Variants in VCAN observed in about 807,000 individuals in gnomAD.
VCAN encodes versican.
A neutral mutation model predicts 245.5 loss-of-function variants in VCAN; 44 were observed. The ratio of observed to expected loss-of-function variants is 0.18; its 90% CI spans 0.14 to 0.23. The LOEUF is 0.23. Among genes scored for constraint, VCAN ranks in the 10% least tolerant of loss-of-function variants. The probability of loss-of-function intolerance (pLI) is 1.00; values close to 1 mark genes in which losing one functional copy is unlikely to be tolerated. For synonymous variants in VCAN, 1,413 were observed against 1,437.0 expected (o/e 0.98, Z 0.38); for missense variants, 3,793 against 4,057.9 (o/e 0.93, Z 1.77).
At chr5:83,483,667 CACTGGAATAAAAGATTG>C in intron 2 of VCAN, 79 bp downstream of exon 2, 1 of 1,291,156 alleles carries the variant, frequency 7.7e-7, no homozygotes, top group Non-Finnish European at 1.1e-6. Context: ...AATGTGGAAT[CACTGGAATAAAAGATTG>C]ATTTTTAAAA....
At chr5:83,564,592 A>G (rs952231621) in intron 12 of VCAN, among the ~76,000 whole-genome samples, 22 of 152,150 alleles carry the variant, frequency 1.4e-4, no homozygotes, top group African/African-American at 5.3e-4. Flanking sequence ...TTTTCACTTT[A>G]TACACAATAG....
chr5:83,531,388 A>T (rs1275288257), intron 7 of VCAN: 2 of 152,090 alleles, frequency 1.3e-5, no homozygotes, highest in African/African-American at 4.8e-5. Context: ...TATGCTTCAC[A>T]TAGTAGGTTT....
At chr5:83,556,040 A>T (rs16900571) in intron 12 of VCAN, among the ~76,000 whole-genome samples, 4,677 of 152,318 alleles carry the variant, frequency 0.031, 75 homozygotes, top group Middle Eastern at 0.071. Flanking sequence ...TCAAAAACAG[A>T]TGTCAAAGTA....
chr5:83,540,082 A>G lies in VCAN; in HGVS notation c.7079A>G (p.Asn2360Ser), dbSNP rs747960971. 6 of 1,613,924 alleles carry G rather than the reference A, an allele frequency of 3.7e-6. No individual in the cohort carries two copies. In the Admixed American group the frequency reaches 1.0e-4, roughly 27 times the overall value. Reference sequence around the variant, plus strand: ...TCCACGGACATCGGACATCCTCAAAATCAGACTGTCAGGTGGGCAGAAGAA... The same window carrying G: ...TCCACGGACATCGGACATCCTCAAAGTCAGACTGTCAGGTGGGCAGAAGAA... ...PFSTDIGHPQ[N>S]QTVRWAEEIQ... Residue 2360 changes from asparagine (N) to serine (S), a missense_variant, in exon 8 of 15, where the codon AAT becomes AGT. Asn to Ser is a conservative substitution (Grantham distance 46, BLOSUM62 1). Coordinates refer to ENST00000265077, the MANE Select transcript of VCAN (RefSeq NM_004385.5).
At position 83,540,269 on chromosome 5, in the gene VCAN, T is replaced by C. The variant is rs1274140440; in HGVS notation, c.7266T>C (p.Ser2422=). ...KEFVTSAPKP[S]DLYYEPSGEG... ...TTGTTACATCAGCACCAAAACCATC[T>C]GACTTGTATTATGAACCTTCTGGAG... Residue 2422 remains serine, a synonymous_variant, in exon 8 of 15, where the codon TCT becomes TCC. Coordinates refer to ENST00000265077, the MANE Select transcript of VCAN (RefSeq NM_004385.5). 1 of 1,614,136 alleles carries C rather than the reference T, an allele frequency of 6.2e-7. No homozygotes were observed. Among genetic ancestry groups the C allele is most frequent in the Non-Finnish European group, 8.5e-7 (1 of 1,180,000 alleles).
At chr5:83,516,199 G>A (rs1220031239) in intron 6 of VCAN, among the ~76,000 whole-genome samples, 3 of 152,064 alleles carry the variant, frequency 2.0e-5, no homozygotes. Flanking sequence ...CAGGAGAATG[G>A]CGTGAACCTG....
chr5:83,515,751 A>G (rs3852184), intron 6 of VCAN, among the ~76,000 whole-genome samples: 184 of 152,184 alleles, frequency 1.2e-3, no homozygotes, highest in African/African-American at 4.2e-3. Flanking sequence ...TTATATACTC[A>G]TTCACTGTTA....
chr5:83,500,952 C>T (rs893063639), intron 5 of VCAN, among the ~76,000 whole-genome samples: 6 of 152,140 alleles, frequency 3.9e-5, no homozygotes, highest in African/African-American at 1.4e-4. Context: ...GTCCTGATTC[C>T]TCCACAGTCT....
intron 5 of VCAN, among the ~76,000 whole-genome samples, chr5:83,502,927 A>C (rs1305192154): frequency 6.6e-6 from 1 of 152,190 alleles, no homozygotes; most frequent in Non-Finnish European, 1.5e-5. Context: ...TACCAGCCTA[A>C]CACTAACTCT....
In VCAN at chr5:83,538,743, GAA is replaced by G; in HGVS notation, c.5741_5742del (p.Glu1914AlafsTer23). 6.2e-7 allele frequency: 1 copy of G among 1,614,018 alleles called. No individual in the cohort carries two copies. The highest frequency in any genetic ancestry group is 1.1e-5 in the South Asian group (1 of 91,086). ...REIVISERLG[E>X]PNYGAEIRGF... ...AATAGTGATTTCAGAGCGATTAGGA[GAA>G]CCAAATTATGGGGCAGAAATAAGGG... is the stretch of plus-strand genomic sequence containing the variant. On this transcript the variant is annotated frameshift_variant, in exon 8 of 15. Coordinates refer to ENST00000265077, the MANE Select transcript of VCAN (RefSeq NM_004385.5). LOFTEE classifies it high-confidence loss of function.
chr5:83,572,587 T>C (rs1314422003), intron 13 of VCAN, 27 bp downstream of exon 13: 1 of 1,612,954 alleles, frequency 6.2e-7, no homozygotes, highest in Admixed American at 1.7e-5. Flanking sequence ...TAATAATGTG[T>C]ACTTAATCTT....
At chr5:83,491,483 T>G (rs1744977478) in intron 3 of VCAN, among the ~76,000 whole-genome samples, 2 of 152,236 alleles carry the variant, frequency 1.3e-5, no homozygotes, top group African/African-American at 4.8e-5. Flanking sequence ...AAATCTATTT[T>G]TATGTTGTCT....
chr5:83,538,110 A>G lies in VCAN; in HGVS notation c.5107A>G (p.Thr1703Ala). The G allele has an allele frequency of 6.2e-7, 1 of 1,614,056 alleles. No individual in the cohort carries two copies. Among genetic ancestry groups the G allele is most frequent in the South Asian group, 1.1e-5 (1 of 91,084 alleles). Reference protein sequence around the residue: ...SEQPSAKVVPTKFVSETDTSE... With the variant: ...SEQPSAKVVPAKFVSETDTSE... ...ACAACCTTCTGCAAAAGTGGTGCCT[A>G]CCAAGTTTGTAAGTGAAACAGACAC... Residue 1703 changes from threonine to alanine, a missense_variant, in exon 8 of 15, where the codon ACC becomes GCC. Thr to Ala is a moderately conservative substitution (Grantham distance 58). Coordinates refer to ENST00000265077, the MANE Select transcript of VCAN (RefSeq NM_004385.5).
rs1748641203 is a variant in VCAN, at chr5:83,580,603, A to G, written c.*169A>G. ...AAACATTTTAAATGAAAGTATTGGC[A>G]TTCAAAAAGACAGCAGACAAAATGA... On this transcript the variant is annotated 3_prime_UTR_variant, in exon 15 of 15. Coordinates refer to ENST00000265077, the MANE Select transcript of VCAN (RefSeq NM_004385.5). The G allele has an allele frequency of 6.3e-6, 6 of 954,776 alleles. No individual in the cohort carries two copies. In the East Asian group the frequency reaches 1.4e-4, roughly 22 times the overall value. The allele number at this position is 954,776 out of a possible 1,614,324, so 59.1% of individuals were successfully genotyped here.
intron 10 of VCAN, among the ~76,000 whole-genome samples, chr5:83,548,466 G>A (rs191819972): frequency 9.2e-4 from 140 of 152,240 alleles, no homozygotes; most frequent in Non-Finnish European, 1.8e-3. Flanking sequence ...ATTTTTCATA[G>A]TCAATCATAT....
intron 5 of VCAN, among the ~76,000 whole-genome samples, chr5:83,502,436 T>G (rs1020316236): frequency 2.6e-5 from 4 of 152,220 alleles, no homozygotes; most frequent in African/African-American, 4.8e-5. Context: ...GAGGTCATTC[T>G]GTGCCTGTCA....
chr5:83,492,664 C>A (rs77475183), intron 3 of VCAN, among the ~76,000 whole-genome samples: 4 of 152,152 alleles, frequency 2.6e-5, no homozygotes, highest in East Asian at 3.9e-4. Flanking sequence ...CCCTAAAATA[C>A]AACAAAGTGG....
chr5:83,494,010 A>C, intron 5 of VCAN, 79 bp downstream of exon 5: 1 of 1,606,014 alleles, frequency 6.2e-7, no homozygotes, highest in South Asian at 1.1e-5. Flanking sequence ...GAATAGAGCA[A>C]GTCTTCGTGC....
chr5:83,481,501 T>G (rs1744614436), intron 1 of VCAN, among the ~76,000 whole-genome samples: 1 of 152,190 alleles, frequency 6.6e-6, no homozygotes, highest in South Asian at 2.1e-4. Flanking sequence ...ACTTCCTGCT[T>G]GCTGTGCTGT....
Sources: gnomAD v4.1 joint callset for allele counts (sites outside exome capture counted in the v4.1 genomes callset) on GRCh38, gnomAD v4.1.1 for gene constraint, MANE v1.5 for transcripts, NCBI Gene and HGNC (gene_info 2026-07-23, HGNC 2026-07-21) for gene names.